ZDHHC22: variants seen among roughly 807,000 people sequenced by gnomAD.
The protein encoded by ZDHHC22 is palmitoyltransferase ZDHHC22.
In ZDHHC22, 13 loss-of-function variants were observed where a neutral mutation model predicts 17.0. That is an observed-to-expected ratio of 0.76 (90% CI 0.50 to 1.21). ZDHHC22 has a LOEUF of 1.21. Ranked by LOEUF, ZDHHC22 falls within the 50% of genes most tolerant of loss-of-function variation. The pLI, the probability that ZDHHC22 is intolerant of heterozygous loss-of-function variation, is 0.00. For synonymous variants in ZDHHC22, 138 were observed against 154.7 expected (o/e 0.89, Z 0.80); for missense variants, 319 against 342.3 (o/e 0.93, Z 0.54).
chr14:77,134,989 T>C (rs1594829881), intron 2 of ZDHHC22, among the ~76,000 whole-genome samples: 1 of 152,216 alleles, frequency 6.6e-6, no homozygotes, highest in African/African-American at 2.4e-5. Flanking sequence ...ACATCCAAAA[T>C]GAGTTCAACT....
intron 2 of ZDHHC22, among the ~76,000 whole-genome samples, chr14:77,138,922 A>G (rs1490130592): frequency 6.6e-6 from 1 of 152,198 alleles, no homozygotes; most frequent in Non-Finnish European, 1.5e-5. Flanking sequence ...AGCATGATGG[A>G]TGAGAATGAT....
At chr14:77,136,861 C>G (rs1887146255) in intron 2 of ZDHHC22, among the ~76,000 whole-genome samples, 1 of 152,188 alleles carries the variant, frequency 6.6e-6, no homozygotes, top group African/African-American at 2.4e-5. Context: ...GCCTCAAACT[C>G]TTGGGCTCAA....
At position 77,139,499 on chromosome 14, in the gene ZDHHC22, C is replaced by A; in HGVS notation, c.240G>T (p.Gln80His). 1 of 1,612,400 alleles carries A rather than the reference C, an allele frequency of 6.2e-7. No homozygotes were observed. Among genetic ancestry groups the A allele is most frequent in the Non-Finnish European group, 8.5e-7 (1 of 1,179,330 alleles). ...ATGGAGTCTTCCTGGCCGAGGCCCC[C>A]TGGCAGGCCCCCAGGTCGTCTGGGG... Reference protein sequence around the residue: ...QNSPDDLGACQGASARKTPCP... With the variant: ...QNSPDDLGACHGASARKTPCP... Residue 80 changes from glutamine (Q) to histidine (H), a missense_variant, in exon 2 of 3, where the codon CAG (glutamine) becomes CAT (histidine). Coordinates refer to ENST00000319374, the MANE Select transcript of ZDHHC22 (RefSeq NM_174976.2).
chr14:77,135,473 ATTT>A (rs35783518), intron 2 of ZDHHC22, among the ~76,000 whole-genome samples: 2 of 148,418 alleles, frequency 1.3e-5, no homozygotes, highest in African/African-American at 5.0e-5. Context: ...TAGCTGTATT[ATTT>A]TTTTTTTTTT....
intron 1 of ZDHHC22, chr14:77,141,128 G>C (rs1887246750): frequency 6.6e-6 from 1 of 152,190 alleles, no homozygotes; most frequent in African/African-American, 2.4e-5. Context: ...GCACGCCTGA[G>C]GGTGGTCGCC....
At position 77,139,464 on chromosome 14, in the gene ZDHHC22, G is replaced by A. The variant is rs545505514; in HGVS notation, c.275C>T (p.Pro92Leu). ...ASARKTPCPS[P>L]STHFCRVCAR... Reference sequence around the variant, plus strand: ...GCACACTCGGCAGAAGTGGGTGCTAGGTGAGGGGCATGGAGTCTTCCTGGC... The same window carrying A: ...GCACACTCGGCAGAAGTGGGTGCTAAGTGAGGGGCATGGAGTCTTCCTGGC... Residue 92 changes from proline to leucine, a missense_variant, in exon 2 of 3, where the codon CCT becomes CTT. Coordinates refer to ENST00000319374, the MANE Select transcript of ZDHHC22 (RefSeq NM_174976.2). 1.9e-6 allele frequency: 3 copies of A among 1,613,248 alleles called. No individual in the cohort carries two copies. Among genetic ancestry groups the A allele is most frequent in the East Asian group, 4.5e-5 (2 of 44,870 alleles).
At position 77,139,435 on chromosome 14, in the gene ZDHHC22, T is replaced by C. The variant is rs1358205988; in HGVS notation, c.304A>G (p.Arg102Gly). 6.2e-7 allele frequency: 1 copy of C among 1,612,676 alleles called. No individual in the cohort carries two copies. Among genetic ancestry groups the C allele is most frequent in the Non-Finnish European group, 8.5e-7 (1 of 1,179,436 alleles). ...PSTHFCRVCARVTLRHDHHCF... is the reference protein window; with the variant it reads ...PSTHFCRVCAGVTLRHDHHCF... ...TGATGGTCGTGCCTCAGGGTGACTC[T>C]GGCGCACACTCGGCAGAAGTGGGTG... The change falls in exon 2 of 3, where the codon AGA becomes GGA. Residue 102 changes from arginine to glycine, a missense_variant. Transcript: ENST00000319374.
chr14:77,141,551 G>A, intron 1 of ZDHHC22, 52 bp downstream of exon 1: 1 of 154,418 alleles, frequency 6.5e-6, no homozygotes, highest in Non-Finnish European at 1.4e-5. Context: ...CGCCCCCCGC[G>A]CCGCCGCCGC....
chr14:77,134,997 A>G (rs1217004777), intron 2 of ZDHHC22, among the ~76,000 whole-genome samples: 1 of 152,032 alleles, frequency 6.6e-6, no homozygotes, highest in East Asian at 1.9e-4. Context: ...AATGAGTTCA[A>G]CTCCTGAAAC....
rs1343023976 is a variant in ZDHHC22 at position 77,133,820 on chromosome 14, C to T, written c.655G>A (p.Val219Met). ...LILRGQTRHQVRKGVAVRARP... is the reference protein window; with the variant it reads ...LILRGQTRHQMRKGVAVRARP... Reference sequence around the variant, plus strand: ...GCCCTCACTGCCACCCCCTTCCGCACCTGGTGGCGGGTCTGCCCGCGGAGG... The same window carrying T: ...GCCCTCACTGCCACCCCCTTCCGCATCTGGTGGCGGGTCTGCCCGCGGAGG... The change falls in exon 3 of 3, where the codon GTG becomes ATG. Residue 219 changes from valine (V) to methionine (M), a missense_variant. Coordinates refer to ENST00000319374, the MANE Select transcript of ZDHHC22 (RefSeq NM_174976.2). The T allele has an allele frequency of 7.4e-6, 12 of 1,613,820 alleles. No individual in the cohort carries two copies. The highest frequency in any genetic ancestry group is 2.7e-5 in the African/African-American group (2 of 74,940).
At position 77,133,562 on chromosome 14, in the gene ZDHHC22, A is replaced by G; in HGVS notation, c.*121T>C. On this transcript the variant is annotated 3_prime_UTR_variant, in exon 3 of 3. Transcript: ENST00000319374. ...TTCTCATGGGTGGAAGGTGAGGGGA[A>G]GATGCTAGGACCTTACCAGCACAAG... 7.6e-7 allele frequency: 1 copy of G among 1,323,068 alleles called. No individual in the cohort carries two copies. The allele number at this position is 1,323,068 out of a possible 1,614,324, so 82.0% of individuals were successfully genotyped here. A position where few individuals can be genotyped will look rare whatever the true frequency, so the allele number is the denominator to read the frequency against.
At chr14:77,139,071 T>C in intron 2 of ZDHHC22, 142 bp downstream of exon 2, 2 of 954,828 alleles carry the variant, frequency 2.1e-6, no homozygotes, top group Non-Finnish European at 3.1e-6. Flanking sequence ...GAGTTGTTTA[T>C]CTGAAATTTT....
In ZDHHC22 at chr14:77,139,278, A is replaced by T; in HGVS notation, c.461T>A (p.Ile154Asn). ...GAAGGCCAAGGGGTGGGCGAAGGAG[A>T]TGGAAAGGACAGCGGAGATGTAGGC... ...GVAYISAVLS[I>N]SFAHPLAFLT... Residue 154 changes from isoleucine (I) to asparagine (N), a missense_variant, in exon 2 of 3, where the codon ATC becomes AAC. Ile to Asn is a moderately radical substitution (Grantham distance 149). Transcript: ENST00000319374. The T allele has an allele frequency of 6.3e-7, 1 of 1,597,174 alleles. No homozygotes were observed.
rs1358030280 is a variant in ZDHHC22, at chr14:77,133,750, C to A, written c.725G>T (p.Trp242Leu). The change falls in exon 3 of 3, where the codon TGG (tryptophan) becomes TTG (leucine). Residue 242 changes from tryptophan (W) to leucine (L), a missense_variant. Transcript: ENST00000319374. ...KNLQEVFGKRWLLGLLVPMFN... is the reference protein window; with the variant it reads ...KNLQEVFGKRLLLGLLVPMFN... ...CATGGGGACCAGCAGGCCCAGCAGC[C>A]ACCTCTTTCCGAAGACCTCTTGTAA... is the stretch of plus-strand genomic sequence containing the variant. 6.2e-7 allele frequency: 1 copy of A among 1,614,030 alleles called. No homozygotes were observed. The highest frequency in any genetic ancestry group is 1.3e-5 in the African/African-American group (1 of 75,054).
Position 77,131,802 on chromosome 14 carries a change from A to G in ZDHHC22, c.*1881T>C, listed in dbSNP as rs1320170901. On this transcript the variant is annotated 3_prime_UTR_variant, in exon 3 of 3. Coordinates refer to ENST00000319374, the MANE Select transcript of ZDHHC22 (RefSeq NM_174976.2). ...CATGAATCTTGTCATCCTGTTCATC[A>G]CTGCATTGCCAGTGCCTGGAAGAGG... 1 of 152,264 alleles carries G rather than the reference A, an allele frequency of 6.6e-6. No individual in the cohort carries two copies. Among genetic ancestry groups the G allele is most frequent in the African/African-American group, 2.4e-5 (1 of 41,452 alleles). The allele number at this position is 152,264 out of a possible 1,614,324, so 9.4% of individuals were successfully genotyped here. A position where few individuals can be genotyped will look rare whatever the true frequency, so the allele number is the denominator to read the frequency against.
intron 2 of ZDHHC22, among the ~76,000 whole-genome samples, chr14:77,136,961 T>C (rs969725189): frequency 6.6e-5 from 10 of 152,212 alleles, no homozygotes; most frequent in Admixed American, 2.0e-4. Flanking sequence ...TTTTTATTTT[T>C]GTAGCAACGG....
Position 77,139,325 on chromosome 14 carries a change from G to C in ZDHHC22, c.414C>G (p.Leu138=). Residue 138 remains leucine (L), a synonymous_variant, in exon 2 of 3, where the codon CTC becomes CTG. Coordinates refer to ENST00000319374, the MANE Select transcript of ZDHHC22 (RefSeq NM_174976.2). The stretch of plus-strand genomic sequence containing the variant: ...AGGCCACGCCGGCCACCATGGAGTA[G>C]AGGCAGGCCAGGGAGGTGTAGAGGC... ...LFCLYTSLAC[L]YSMVAGVAYI... is the part of the protein sequence containing the mutation. 1 of 1,601,264 alleles carries C rather than the reference G, an allele frequency of 6.2e-7. No individual in the cohort carries two copies. The highest frequency in any genetic ancestry group is 8.5e-7 in the Non-Finnish European group (1 of 1,174,198).
At position 77,133,578 on chromosome 14, in the gene ZDHHC22, C is replaced by G; in HGVS notation, c.*105G>C. On this transcript the variant is annotated 3_prime_UTR_variant, in exon 3 of 3. Coordinates refer to ENST00000319374, the MANE Select transcript of ZDHHC22 (RefSeq NM_174976.2). ...GTGAGGGGAAGATGCTAGGACCTTACCAGCACAAGGTTGTAGTGAGTCATG... is the reference window on the plus strand; with the variant it reads ...GTGAGGGGAAGATGCTAGGACCTTAGCAGCACAAGGTTGTAGTGAGTCATG... 1 of 1,459,218 alleles carries G rather than the reference C, an allele frequency of 6.9e-7. No individual in the cohort carries two copies. The highest frequency in any genetic ancestry group is 9.2e-7 in the Non-Finnish European group (1 of 1,086,584). The allele number at this position is 1,459,218 out of a possible 1,614,324, so 90.4% of individuals were successfully genotyped here. A position where few individuals can be genotyped will look rare whatever the true frequency, so the allele number is the denominator to read the frequency against.
intron 2 of ZDHHC22, among the ~76,000 whole-genome samples, chr14:77,136,915 C>T (rs193106649): frequency 5.3e-4 from 81 of 152,350 alleles, no homozygotes; most frequent in Non-Finnish European, 7.1e-4. Context: ...GGAAAACAGG[C>T]ACATGCCACT....
Sources: gnomAD v4.1 joint callset for allele counts (sites outside exome capture counted in the v4.1 genomes callset) on GRCh38, gnomAD v4.1.1 for gene constraint, MANE v1.5 for transcripts, NCBI Gene and HGNC (gene_info 2026-07-23, HGNC 2026-07-21) for gene names.